The following ZNF407 variants were observed in gnomAD, a reference collection of about 807,000 sequenced individuals.
ZNF407 encodes the protein zinc finger protein 407.
Under a neutral mutation model 131.2 loss-of-function variants are expected in ZNF407, and 17 were observed. The observed-to-expected ratio is 0.13, with a 90% confidence interval of 0.09 to 0.19. The LOEUF (loss-of-function observed/expected upper bound fraction) is 0.19. Ranked by LOEUF, ZNF407 falls within the 10% of genes least tolerant of loss-of-function variation. The pLI is 1.00. For missense variants in ZNF407, 2,681 were observed against 2,830.6 expected (o/e 0.95, Z 1.20); for synonymous variants, 1,156 against 1,062.0 (o/e 1.09, Z -1.72).
chr18:74,844,889 A>G (rs2145136367), intron 4 of ZNF407, among the ~76,000 whole-genome samples: 2 of 152,296 alleles, frequency 1.3e-5, no homozygotes, highest in Middle Eastern at 3.4e-3. Context: ...AATAAGCTGA[A>G]GAGAAATCAG....
intron 8 of ZNF407, among the ~76,000 whole-genome samples, chr18:74,949,904 G>C (rs1019670284): frequency 6.6e-6 from 1 of 152,152 alleles, no homozygotes; most frequent in African/African-American, 2.4e-5. Flanking sequence ...ATTCAATTCA[G>C]AGAATTAAAA....
chr18:74,855,234 C>A (rs1970843218), intron 4 of ZNF407, among the ~76,000 whole-genome samples: 1 of 152,194 alleles, frequency 6.6e-6, no homozygotes, highest in Non-Finnish European at 1.5e-5. Flanking sequence ...GGCTAGGGTG[C>A]ATACCTACGG....
At chr18:74,786,119 G>A (rs969267794) in intron 4 of ZNF407, among the ~76,000 whole-genome samples, 2 of 152,166 alleles carry the variant, frequency 1.3e-5, no homozygotes, top group South Asian at 2.1e-4. Context: ...GACCTCCGAC[G>A]TCACAGTTGT....
intron 3 of ZNF407, among the ~76,000 whole-genome samples, chr18:74,750,281 A>T (rs1006857381): frequency 1.1e-4 from 17 of 152,180 alleles, no homozygotes; most frequent in African/African-American, 4.1e-4. Context: ...ATTGTTTAAC[A>T]GTTAATTGCT....
chr18:74,894,397 T>G (rs1971425861), intron 7 of ZNF407, among the ~76,000 whole-genome samples: 1 of 152,162 alleles, frequency 6.6e-6, no homozygotes, highest in Admixed American at 6.5e-5. Context: ...GTTTTTATTT[T>G]TCTTTGTTAC....
At chr18:74,884,917 C>T (rs1029888267) in intron 6 of ZNF407, among the ~76,000 whole-genome samples, 4 of 152,034 alleles carry the variant, frequency 2.6e-5, no homozygotes, top group Admixed American at 1.3e-4. Flanking sequence ...CAAATATCAG[C>T]AGAATCTATG....
intron 8 of ZNF407, among the ~76,000 whole-genome samples, chr18:74,994,779 G>A (rs945907208): frequency 2.6e-5 from 4 of 152,200 alleles, no homozygotes; most frequent in East Asian, 1.9e-4. Flanking sequence ...GGAAAGGGCC[G>A]GGGAGGGCAC....
At chr18:74,965,256 T>G (rs1235474141) in intron 8 of ZNF407, among the ~76,000 whole-genome samples, 1 of 152,180 alleles carries the variant, frequency 6.6e-6, no homozygotes, top group East Asian at 1.9e-4. Flanking sequence ...ATTTATTCTT[T>G]CCAATTTTTT....
chr18:74,778,726 G>A (rs1032587156), intron 3 of ZNF407, among the ~76,000 whole-genome samples: 2 of 152,064 alleles, frequency 1.3e-5, no homozygotes, highest in African/African-American at 4.8e-5. Flanking sequence ...GCAGGTTGTC[G>A]AGAATGCTCC....
intron 1 of ZNF407, among the ~76,000 whole-genome samples, chr18:74,628,747 AT>A (rs948419136): frequency 6.6e-6 from 1 of 151,534 alleles, no homozygotes; most frequent in Non-Finnish European, 1.5e-5. Flanking sequence ...AATTTTTATT[AT>A]TTTTTTATTT....
chr18:74,637,486 AAGTT>A (rs1453976969), intron 2 of ZNF407, among the ~76,000 whole-genome samples: 2 of 148,742 alleles, frequency 1.3e-5, no homozygotes, highest in East Asian at 2.0e-4. Flanking sequence ...CATTTAGTAA[AAGTT>A]AGCATAGTTT....
intron 3 of ZNF407, among the ~76,000 whole-genome samples, chr18:74,720,825 C>G (rs934765290): frequency 2.0e-5 from 3 of 152,018 alleles, no homozygotes; most frequent in Admixed American, 2.0e-4. Context: ...GTTCTCTATT[C>G]TGTTCCATTG....
intron 3 of ZNF407, among the ~76,000 whole-genome samples, chr18:74,707,381 A>G (rs1163346067): frequency 6.6e-6 from 1 of 152,186 alleles, no homozygotes; most frequent in African/African-American, 2.4e-5. Flanking sequence ...TCCCTTATCC[A>G]AATGCTTGGA....
chr18:74,849,245 A>C (rs1164733785), intron 4 of ZNF407, among the ~76,000 whole-genome samples: 1 of 151,044 alleles, frequency 6.6e-6, no homozygotes, highest in African/African-American at 2.4e-5. Flanking sequence ...CACCCAGATA[A>C]TTTTTTGTAT....
chr18:74,701,381 G>A (rs1967490379), intron 3 of ZNF407, among the ~76,000 whole-genome samples: 1 of 152,200 alleles, frequency 6.6e-6, no homozygotes, highest in South Asian at 2.1e-4. Flanking sequence ...TTCTTTCAAA[G>A]ATTGGTCATC....
chr18:74,647,393 A>T (rs1201311711), intron 3 of ZNF407, among the ~76,000 whole-genome samples: 1 of 152,116 alleles, frequency 6.6e-6, no homozygotes, highest in Non-Finnish European at 1.5e-5. Flanking sequence ...ACAGTGAGCT[A>T]TGATGGTGCC....
intron 3 of ZNF407, among the ~76,000 whole-genome samples, chr18:74,777,763 A>G: frequency 6.6e-6 from 1 of 151,218 alleles, no homozygotes; most frequent in Non-Finnish European, 1.5e-5. Flanking sequence ...TTCACTCAAA[A>G]CAGAGCAGAC....
At chr18:74,790,048 T>G (rs1252844878) in intron 4 of ZNF407, among the ~76,000 whole-genome samples, 1 of 152,134 alleles carries the variant, frequency 6.6e-6, no homozygotes, top group Non-Finnish European at 1.5e-5. Context: ...TTCATCACAT[T>G]CCTATGGAAC....
intron 3 of ZNF407, among the ~76,000 whole-genome samples, chr18:74,726,655 C>A (rs944521092): frequency 6.6e-6 from 1 of 152,104 alleles, no homozygotes; most frequent in Non-Finnish European, 1.5e-5. Context: ...TATGGTGTAA[C>A]CTACATGTGG....
Sources: gnomAD v4.1 joint callset for allele counts (sites outside exome capture counted in the v4.1 genomes callset) on GRCh38, gnomAD v4.1.1 for gene constraint, MANE v1.5 for transcripts, NCBI Gene and HGNC (gene_info 2026-07-23, HGNC 2026-07-21) for gene names.